The following EZR variants were observed in gnomAD, a reference collection of about 807,000 sequenced individuals.
EZR encodes ezrin.
EZR carries 40 observed loss-of-function variants against 74.8 expected under a neutral mutation model. The ratio of observed to expected loss-of-function variants is 0.53; its 90% CI spans 0.42 to 0.70. EZR has a LOEUF of 0.70. EZR is among the 30% of genes least tolerant of loss of function. The pLI is 0.00. For synonymous variants in EZR, 341 were observed against 283.3 expected (o/e 1.20, Z -2.05); for missense variants, 678 against 755.8 (o/e 0.90, Z 1.21).
At chr6:158,808,079 G>A (rs1777380959) in intron 2 of EZR, among the ~76,000 whole-genome samples, 1 of 152,184 alleles carries the variant, frequency 6.6e-6, no homozygotes, top group African/African-American at 2.4e-5. Flanking sequence ...TTGAATGAAT[G>A]AACTTTATGC....
At position 158,767,306 on chromosome 6, in the gene EZR, G is replaced by A. The variant is rs756345503; in HGVS notation, c.1551C>T (p.Arg517=). The change falls in exon 13 of 14, where the codon CGC becomes CGT. Residue 517 remains arginine (R), a synonymous_variant. Coordinates refer to ENST00000367075, the MANE Select transcript of EZR (RefSeq NM_001111077.2). The stretch of plus-strand genomic sequence containing the variant: ...GCTCGTTCTTCTCTGCCTCAGTGAT[G>A]CGCTTCTCCTCATTGCGGTCATCCC... ...GIRDDRNEEK[R]ITEAEKNERV... 12 of 1,614,038 alleles carry A rather than the reference G, an allele frequency of 7.4e-6. No individual in the cohort carries two copies. In the South Asian group the frequency reaches 1.1e-4, roughly 15 times the overall value.
chr6:158,776,592 G>T, intron 7 of EZR, 88 bp from the exon 8 acceptor site: 1 of 902,244 alleles, frequency 1.1e-6, no homozygotes, highest in Non-Finnish European at 1.7e-6. Flanking sequence ...ATTCTTATTA[G>T]TTCAATTAAA....
intron 8 of EZR, among the ~76,000 whole-genome samples, chr6:158,774,106 A>G (rs1022458586): frequency 2.0e-5 from 3 of 152,228 alleles, no homozygotes; most frequent in African/African-American, 7.2e-5. Flanking sequence ...TCAACACAAG[A>G]TAAGGAATCC....
In EZR at chr6:158,767,384, ATCCTGCAAGCTC is replaced by A; in HGVS notation, c.1461_1472del (p.Glu487_Gln490del). 1 of 1,610,706 alleles carries A rather than the reference ATCCTGCAAGCTC, an allele frequency of 6.2e-7. No homozygotes were observed. The highest frequency in any genetic ancestry group is 2.2e-5 in the East Asian group (1 of 44,656). ...TGTAGCCCGTGGGCTCTGCGCCCTC[ATCCTGCAAGCTC>A]TCCTGGACATGGTAGCTCACCGGCT... On this transcript the variant is annotated inframe_deletion, in exon 13 of 14. Coordinates refer to ENST00000367075, the MANE Select transcript of EZR (RefSeq NM_001111077.2).
chr6:158,793,355 T>C (rs1791791870), intron 2 of EZR, among the ~76,000 whole-genome samples: 1 of 152,060 alleles, frequency 6.6e-6, no homozygotes, highest in Admixed American at 6.5e-5. Flanking sequence ...AGTTCTGATT[T>C]GGGGACACAC....
At chr6:158,798,119 A>G (rs1777110808) in intron 2 of EZR, among the ~76,000 whole-genome samples, 1 of 152,210 alleles carries the variant, frequency 6.6e-6, no homozygotes, top group Non-Finnish European at 1.5e-5. Flanking sequence ...ACTTAGCATA[A>G]TGTTTAAAAG....
intron 7 of EZR, among the ~76,000 whole-genome samples, chr6:158,783,231 G>A (rs1791478172): frequency 8.6e-6 from 1 of 115,666 alleles, no homozygotes; most frequent in Non-Finnish European, 2.1e-5. Flanking sequence ...AGCTGGGGTG[G>A]AATCTCAGAG....
chr6:158,770,818 C>A lies in EZR; in HGVS notation c.1036G>T (p.Glu346Ter), dbSNP rs1220736077. 3 of 1,614,204 alleles carry A rather than the reference C, an allele frequency of 1.9e-6. No individual in the cohort carries two copies. The highest frequency in any genetic ancestry group is 1.6e-4 in the Middle Eastern group (1 of 6,062). Reference protein sequence around the residue: ...EKEQMMREKEELMLRLQDYEE... With the variant: ...EKEQMMREKE ...TAGTCCTGCAGCCGCAGCATCAACT[C>A]CTCCTTCTCGCGCATCATCTGCTCT... is the stretch of plus-strand genomic sequence containing the variant. Residue 346 changes from glutamate to a stop codon, truncating the protein, a stop_gained, in exon 10 of 14, where the codon GAG (glutamate) becomes TAG (stop). Transcript: ENST00000367075. LOFTEE classifies it high-confidence loss of function.
At chr6:158,811,062 C>T (rs3123134) in intron 2 of EZR, among the ~76,000 whole-genome samples, 2 of 151,962 alleles carry the variant, frequency 1.3e-5, no homozygotes, top group Non-Finnish European at 2.9e-5. Context: ...AGTCAAAAGT[C>T]TCTAAGTCAC....
Position 158,766,813 on chromosome 6 carries a change from T to C in EZR, c.*101A>G. On this transcript the variant is annotated 3_prime_UTR_variant, in exon 14 of 14. Coordinates refer to ENST00000367075, the MANE Select transcript of EZR (RefSeq NM_001111077.2). ...TAACTGCTTTCTAAAGGAACTGGGA[T>C]CTGAGGGAGTTCCTAGACTTGGAGC... 5.2e-6 allele frequency: 6 copies of C among 1,155,986 alleles called. No individual in the cohort carries two copies. Among genetic ancestry groups the C allele is most frequent in the Non-Finnish European group, 7.5e-6 (6 of 804,242 alleles). The allele number at this position is 1,155,986 out of a possible 1,614,324, so 71.6% of individuals were successfully genotyped here. A position where few individuals can be genotyped will look rare whatever the true frequency, so the allele number is the denominator to read the frequency against.
chr6:158,775,219 G>C (rs1791243099), intron 8 of EZR, among the ~76,000 whole-genome samples: 1 of 151,988 alleles, frequency 6.6e-6, no homozygotes, highest in Non-Finnish European at 1.5e-5. Context: ...TTTTAGTAGA[G>C]ATGGGGTTTT....
intron 7 of EZR, among the ~76,000 whole-genome samples, chr6:158,781,632 C>A (rs1235417756): frequency 6.6e-6 from 1 of 152,192 alleles, no homozygotes; most frequent in East Asian, 1.9e-4. Flanking sequence ...AAGGCAGAGG[C>A]AGTTTCCCAC....
At chr6:158,789,714 C>T (rs901523888) in intron 2 of EZR, among the ~76,000 whole-genome samples, 12 of 152,230 alleles carry the variant, frequency 7.9e-5, no homozygotes, top group Non-Finnish European at 1.5e-5. Flanking sequence ...ATCTCCCAGG[C>T]TCACACGAAC....
intron 4 of EZR, among the ~76,000 whole-genome samples, chr6:158,785,968 T>C (rs2128570456): frequency 6.6e-6 from 1 of 152,288 alleles, no homozygotes; most frequent in South Asian, 2.1e-4. Flanking sequence ...GGAGGAACCC[T>C]GGAGCTCAGG....
intron 2 of EZR, among the ~76,000 whole-genome samples, chr6:158,812,675 A>C (rs558821964): frequency 1.3e-3 from 202 of 152,310 alleles, no homozygotes; most frequent in African/African-American, 4.6e-3. Flanking sequence ...GAAGGCAAGG[A>C]CTTTTTTCAT....
rs770097167 is a variant in EZR at position 158,771,323 on chromosome 6, G to A, written c.880C>T (p.Arg294Cys). 9.3e-6 allele frequency: 15 copies of A among 1,614,154 alleles called. No homozygotes were observed. The highest frequency in any genetic ancestry group is 1.7e-5 in the Admixed American group (1 of 60,020). Residue 294 changes from arginine to cysteine, a missense_variant, in exon 9 of 14, where the codon CGC becomes TGC. Arg to Cys is a radical substitution (Grantham distance 180). This residue lies in a region of EZR where 119 missense variants were observed against 182.3 expected (regional missense o/e 0.65). Coordinates refer to ENST00000367075, the MANE Select transcript of EZR (RefSeq NM_001111077.2). ...CMGNHELYMR[R>C]RKPDTIEVQQ... ...ACCTCGATGGTGTCAGGCTTCCTGC[G>A]GCGCATATACAACTCATGGTTGCCC...
intron 9 of EZR, 24 bp downstream of exon 9, chr6:158,771,220 C>A (rs905488640): frequency 2.5e-6 from 4 of 1,589,092 alleles, no homozygotes; most frequent in Admixed American, 1.8e-5. Flanking sequence ...ACAGGCCCCC[C>A]CCACTCTGGC....
In EZR at chr6:158,771,345, G is replaced by A. The variant is rs1350763214; in HGVS notation, c.858C>T (p.Gly286=). The A allele has an allele frequency of 6.2e-6, 10 of 1,614,022 alleles. No individual in the cohort carries two copies. The East Asian group carries it at 6.7e-5, about 11-fold the overall frequency. Residue 286 remains glycine, a synonymous_variant, in exon 9 of 14, where the codon GGC becomes GGT. Transcript: ENST00000367075. Reference sequence around the variant, plus strand: ...TGCGGCGCATATACAACTCATGGTTGCCCATGCAGAGCTGCAGGATCCGCT... The same window carrying A: ...TGCGGCGCATATACAACTCATGGTTACCCATGCAGAGCTGCAGGATCCGCT... ...INKRILQLCM[G]NHELYMRRRK...
intron 2 of EZR, among the ~76,000 whole-genome samples, chr6:158,796,344 C>T (rs1297755716): frequency 6.6e-6 from 1 of 152,230 alleles, no homozygotes; most frequent in Non-Finnish European, 1.5e-5. Context: ...AGTAACAATT[C>T]GCCTTATTAA....
Sources: allele counts gnomAD v4.1 joint callset (sites outside exome capture counted in the v4.1 genomes callset), GRCh38; gene constraint gnomAD v4.1.1; regional missense constraint gnomAD v4.1.1; transcripts MANE v1.5; gene names NCBI Gene and HGNC (gene_info 2026-07-23, HGNC 2026-07-21).